ADGRB1: variants seen among roughly 807,000 people sequenced by gnomAD.
ADGRB1 encodes brain-specific angiogenesis inhibitor 1.
ADGRB1 carries 36 observed loss-of-function variants against 175.7 expected under a neutral mutation model. The observed-to-expected ratio is 0.20, with a 90% confidence interval of 0.16 to 0.27. The LOEUF (loss-of-function observed/expected upper bound fraction) is 0.27. Among genes scored for constraint, ADGRB1 ranks in the 10% least tolerant of loss-of-function variants. The probability of loss-of-function intolerance (pLI) is 1.00; values close to 1 mark genes in which losing one functional copy is unlikely to be tolerated. For missense variants in ADGRB1, 1,731 were observed against 2,255.3 expected (o/e 0.77, Z 4.71); for synonymous variants, 1,054 against 979.4 (o/e 1.08, Z -1.42).
intron 2 of ADGRB1, among the ~76,000 whole-genome samples, chr8:142,473,339 C>T (rs867791966): frequency 6.6e-6 from 1 of 152,196 alleles, no homozygotes; most frequent in African/African-American, 2.4e-5. Flanking sequence ...GCCTCAGAAT[C>T]GGGGTGGTGG....
rs371488133 is a variant in ADGRB1, at chr8:142,460,618, A to G, written c.-219-3362A>G. On this transcript the variant is annotated intron_variant, in intron 1 of 30. Transcript: ENST00000517894. The stretch of plus-strand genomic sequence containing the variant: ...AGGTTTAAGAATCCCAGGGATGGAC[A>G]CTTCTGGGCCATCTCCTGGCCCCAA... Among the ~76,000 whole-genome samples the G allele has an allele frequency of 1.6e-4, 25 of 152,236 alleles. No individual in the cohort carries two copies. The East Asian group carries it at 4.1e-3, about 25-fold the overall frequency.
chr8:142,510,909 T>A lies in ADGRB1; in HGVS notation c.2676-23T>A. ...GCCGCTGACGCTCCGCCTGTCTCCC[T>A]CCCGTGTCCCGCCCGCCCCCAGACC... is the stretch of plus-strand genomic sequence containing the variant. On this transcript the variant is annotated intron_variant, in intron 17 of 30. Transcript: ENST00000517894. The surrounding 1 kb of genome is among the most constrained non-coding windows in gnomAD (Gnocchi z 6.3). 4 of 1,051,260 alleles carry A rather than the reference T, an allele frequency of 3.8e-6. No homozygotes were observed. Among genetic ancestry groups the A allele is most frequent in the Non-Finnish European group, 4.6e-6 (4 of 867,524 alleles). 65.1% of individuals were successfully genotyped at this position (1,051,260 alleles called of 1,614,324 possible). A position where few individuals can be genotyped will look rare whatever the true frequency, so the allele number is the denominator to read the frequency against.
chr8:142,543,500 C>T lies in ADGRB1; in HGVS notation c.4449+62C>T, dbSNP rs369080410. The T allele has an allele frequency of 5.3e-5, 85 of 1,609,160 alleles. No individual in the cohort carries two copies. Among genetic ancestry groups the T allele is most frequent in the African/African-American group, 9.4e-5 (7 of 74,810 alleles). ...GCCAGATGTGCTCTGGGCTCCCACA[C>T]GGCCAGGCAGCTCCCCGGCAGCCAG... On this transcript the variant is annotated intron_variant, in intron 29 of 30. Coordinates refer to ENST00000517894, the MANE Select transcript of ADGRB1 (RefSeq NM_001702.3). This position sits in a 1 kb window ranked among gnomAD's most constrained non-coding sequence, Gnocchi z 4.4.
chr8:142,529,510 G>C (rs1587422699), intron 24 of ADGRB1, among the ~76,000 whole-genome samples: 1 of 152,200 alleles, frequency 6.6e-6, no homozygotes, highest in African/African-American at 2.4e-5. Context: ...AAGTGTATGT[G>C]TACATGTGTA....
intron 11 of ADGRB1, among the ~76,000 whole-genome samples, chr8:142,482,394 TCA>T (rs1841404507): frequency 8.1e-6 from 1 of 123,728 alleles, no homozygotes; most frequent in East Asian, 2.5e-4. Flanking sequence ...CTGGTTACAC[TCA>T]GAACCCTGAC....
Position 142,489,353 on chromosome 8 carries a change from A to T in ADGRB1, c.2546A>T (p.Asn849Ile). 6.2e-7 allele frequency: 1 copy of T among 1,612,870 alleles called. No individual in the cohort carries two copies. The highest frequency in any genetic ancestry group is 8.5e-7 in the Non-Finnish European group (1 of 1,179,804). ...TCTTGCAGGAACACGACCGTCCTGA[A>T]TTCTAAGGTGATCTCCGTGACTGTG... ...LALQRNTTVL[N>I]SKVISVTVKP... is the part of the protein sequence containing the mutation. The change falls in exon 16 of 31, where the codon AAT becomes ATT. Residue 849 changes from asparagine (N) to isoleucine (I), a missense_variant. Transcript: ENST00000517894.
intron 18 of ADGRB1, among the ~76,000 whole-genome samples, chr8:142,517,730 G>C (rs1234136555): frequency 1.3e-5 from 2 of 152,116 alleles, no homozygotes; most frequent in African/African-American, 4.8e-5. Flanking sequence ...GCTGCCCCCG[G>C]ATTTCTCGAA....
intron 18 of ADGRB1, among the ~76,000 whole-genome samples, chr8:142,514,866 G>A (rs1020335062): frequency 6.6e-6 from 1 of 150,630 alleles, no homozygotes; most frequent in Non-Finnish European, 1.5e-5. Context: ...GAGTATGATG[G>A]GGGTTCAGGG....
At chr8:142,488,610 G>A in intron 14 of ADGRB1, 103 bp downstream of exon 14, 1 of 1,476,148 alleles carries the variant, frequency 6.8e-7, no homozygotes, top group Non-Finnish European at 9.1e-7. Flanking sequence ...TCAGAGTTGG[G>A]CGGTTCTCAA....
rs1017061439 is a variant in ADGRB1 at position 142,483,039 on chromosome 8, C to T, written c.2131-938C>T. ...ACACACTGAGCCCTGACCCTGGTCA[C>T]ACTGAGCCCTGATCCTGGTTACACT... On this transcript the variant is annotated intron_variant, in intron 11 of 30. Transcript: ENST00000517894. Among the ~76,000 whole-genome samples the T allele has an allele frequency of 2.0e-5, 3 of 151,714 alleles. No individual in the cohort carries two copies. In the South Asian group the frequency reaches 6.2e-4, roughly 32 times the overall value.
rs1839611649 is a variant in ADGRB1 at position 142,455,378 on chromosome 8, T to C, written c.-220+5274T>C. ...CATGGCTGTCCTCCTGCTTGTGGCGTTCTGTTCTCTCGGGCATCCCTCTCT... is the reference window on the plus strand; with the variant it reads ...CATGGCTGTCCTCCTGCTTGTGGCGCTCTGTTCTCTCGGGCATCCCTCTCT... On this transcript the variant is annotated intron_variant, in intron 1 of 30. Coordinates refer to ENST00000517894, the MANE Select transcript of ADGRB1 (RefSeq NM_001702.3). The surrounding 1 kb of genome is among the most constrained non-coding windows in gnomAD (Gnocchi z 4.9). 6.6e-6 allele frequency among the ~76,000 whole-genome samples: 1 copy of C among 151,954 alleles called. No individual in the cohort carries two copies. The highest frequency in any genetic ancestry group is 6.6e-5 in the Admixed American group (1 of 15,260).
intron 8 of ADGRB1, 96 bp downstream of exon 8, chr8:142,479,583 T>C (rs1841216762): frequency 6.5e-7 from 1 of 1,528,682 alleles, no homozygotes; most frequent in African/African-American, 1.4e-5. Context: ...TGTTGGGGGC[T>C]CCCGTCCTGT....
intron 7 of ADGRB1, among the ~76,000 whole-genome samples, chr8:142,478,766 T>C (rs561715664): frequency 1.1e-3 from 140 of 123,618 alleles, no homozygotes; most frequent in Non-Finnish European, 1.9e-3. Flanking sequence ...ACTTGGGGTG[T>C]CTGTGGAGAA....
chr8:142,484,529 C>T lies in ADGRB1; in HGVS notation c.2200-127C>T, dbSNP rs1301086957. The T allele has an allele frequency of 4.7e-5, 47 of 998,942 alleles. 1 individual carries two copies. Among genetic ancestry groups the T allele is most frequent in the Non-Finnish European group, 6.5e-5 (45 of 694,968 alleles). The allele number at this position is 998,942 out of a possible 1,614,324, so 61.9% of individuals were successfully genotyped here. A position where few individuals can be genotyped will look rare whatever the true frequency, so the allele number is the denominator to read the frequency against. ...CCCAAAGTGGGGTACTCAGAGGTCA[C>T]CAGCCCCACTTCCTCAAAATGTTAG... On this transcript the variant is annotated intron_variant, in intron 12 of 30. Coordinates refer to ENST00000517894, the MANE Select transcript of ADGRB1 (RefSeq NM_001702.3).
chr8:142,516,180 C>T (rs988661030), intron 18 of ADGRB1, among the ~76,000 whole-genome samples: 10 of 144,632 alleles, frequency 6.9e-5, no homozygotes, highest in Admixed American at 3.4e-4. Flanking sequence ...GCCCCAGGTG[C>T]GTGCGTGTGT....
intron 9 of ADGRB1, 119 bp from the exon 10 acceptor site, chr8:142,481,135 C>A: frequency 2.3e-6 from 2 of 872,240 alleles, no homozygotes; most frequent in Non-Finnish European, 3.8e-6. Context: ...AGGCCATGGG[C>A]GAGTCCCTGT....
chr8:142,484,184 G>A, intron 12 of ADGRB1, 139 bp downstream of exon 12: 1 of 710,914 alleles, frequency 1.4e-6, no homozygotes, highest in Non-Finnish European at 2.4e-6. Context: ...TCTTGCTGGT[G>A]TTGGCAGCAC....
rs371856511 is a variant in ADGRB1, at chr8:142,460,795, G to C, written c.-219-3185G>C. ...ACCTTCCATGCCTGGCTGGTCCTGGGGCCTCCCCCTTCCACCTCCTGAGCA... is the reference window on the plus strand; with the variant it reads ...ACCTTCCATGCCTGGCTGGTCCTGGCGCCTCCCCCTTCCACCTCCTGAGCA... On this transcript the variant is annotated intron_variant, in intron 1 of 30. Coordinates refer to ENST00000517894, the MANE Select transcript of ADGRB1 (RefSeq NM_001702.3). Among the ~76,000 whole-genome samples, 327 of 152,212 alleles carry C rather than the reference G, an allele frequency of 2.1e-3. 1 individual carries two copies. Among genetic ancestry groups the C allele is most frequent in the African/African-American group, 6.9e-3 (287 of 41,546 alleles).
At chr8:142,507,980 G>A (rs1842923535) in intron 17 of ADGRB1, among the ~76,000 whole-genome samples, 1 of 151,968 alleles carries the variant, frequency 6.6e-6, no homozygotes, top group Non-Finnish European at 1.5e-5. Flanking sequence ...CCCTCTCGGT[G>A]GGAGATGGAG....
Sources: allele counts gnomAD v4.1 joint callset (sites outside exome capture counted in the v4.1 genomes callset), GRCh38; gene constraint gnomAD v4.1.1; non-coding constraint Gnocchi (gnomAD v3.1); transcripts MANE v1.5; gene names NCBI Gene and HGNC (gene_info 2026-07-23, HGNC 2026-07-21).